The following LRRC20 variants were observed in gnomAD, a reference collection of about 807,000 sequenced individuals.
LRRC20 encodes the protein leucine-rich repeat-containing protein 20.
In LRRC20, 11 loss-of-function variants were observed where a neutral mutation model predicts 14.4. The observed-to-expected ratio is 0.77, with a 90% confidence interval of 0.48 to 1.27. LRRC20 has a LOEUF of 1.27. Among genes scored for constraint, LRRC20 ranks in the 50% most tolerant of loss-of-function variants. The probability of loss-of-function intolerance (pLI) is 0.00; values close to 1 mark genes in which losing one functional copy is unlikely to be tolerated. For synonymous variants in LRRC20, 121 were observed against 107.3 expected (o/e 1.13, Z -0.79); for missense variants, 219 against 251.2 (o/e 0.87, Z 0.87).
intron 2 of LRRC20, among the ~76,000 whole-genome samples, chr10:70,358,292 C>T (rs1843603617): frequency 6.6e-6 from 1 of 152,158 alleles, no homozygotes; most frequent in Non-Finnish European, 1.5e-5. Context: ...ACAACGCAAT[C>T]CACTTGGAGC....
At chr10:70,312,842 C>T (rs998335438) in intron 4 of LRRC20, among the ~76,000 whole-genome samples, 2 of 152,116 alleles carry the variant, frequency 1.3e-5, no homozygotes, top group African/African-American at 2.4e-5. Context: ...GGAAGTATGG[C>T]GGGCACCCCC....
chr10:70,378,764 C>A (rs1483142702), intron 1 of LRRC20, among the ~76,000 whole-genome samples: 1 of 113,488 alleles, frequency 8.8e-6, no homozygotes. Flanking sequence ...AAAGAGTGAA[C>A]CTCGCGCTCA....
chr10:70,372,505 A>G (rs1413847033), intron 2 of LRRC20, among the ~76,000 whole-genome samples: 9 of 145,666 alleles, frequency 6.2e-5, no homozygotes, highest in South Asian at 2.2e-4. Context: ...CCAGTGGCGC[A>G]ATCTCAGCTC....
At chr10:70,320,324 T>TAGATAGAC (rs1457723975) in intron 4 of LRRC20, among the ~76,000 whole-genome samples, 5 of 151,974 alleles carry the variant, frequency 3.3e-5, no homozygotes, top group Non-Finnish European at 7.4e-5. Flanking sequence ...GATAGATAGA[T>TAGATAGAC]AGATAGATAG....
intron 2 of LRRC20, among the ~76,000 whole-genome samples, chr10:70,361,385 A>G (rs1371236232): frequency 6.6e-6 from 1 of 152,218 alleles, no homozygotes; most frequent in African/African-American, 2.4e-5. Context: ...AGAAGGCAGT[A>G]TATGAGGGAA....
chr10:70,343,611 A>G (rs1842986986), intron 2 of LRRC20, among the ~76,000 whole-genome samples: 2 of 152,260 alleles, frequency 1.3e-5, no homozygotes, highest in African/African-American at 4.8e-5. Flanking sequence ...GCAAGGGCTG[A>G]GCTGGAAGCA....
Position 70,318,391 on chromosome 10 carries a change from A to G in LRRC20, c.400+5472T>C, listed in dbSNP as rs575431708. Among the ~76,000 whole-genome samples, 4 of 152,320 alleles carry G rather than the reference A, an allele frequency of 2.6e-5. No homozygotes were observed. The South Asian group carries it at 8.3e-4, about 32-fold the overall frequency. On this transcript the variant is annotated intron_variant, in intron 4 of 4. Transcript: ENST00000446961. Reference sequence around the variant, plus strand: ...ATATCGGCTGGGATAGTAAGGTGAAACAGGACAAGGGCAGAATTAAGTAAA... The same window carrying G: ...ATATCGGCTGGGATAGTAAGGTGAAGCAGGACAAGGGCAGAATTAAGTAAA...
At chr10:70,372,486 GGCTGGA>G (rs1209949767) in intron 2 of LRRC20, among the ~76,000 whole-genome samples, 1 of 139,736 alleles carries the variant, frequency 7.2e-6, no homozygotes, top group South Asian at 2.3e-4. Context: ...CTGTCACCCA[GGCTGGA>G]GTCCAGTGGC....
chr10:70,373,268 T>C (rs1844381706), intron 2 of LRRC20, among the ~76,000 whole-genome samples: 1 of 152,210 alleles, frequency 6.6e-6, no homozygotes, highest in African/African-American at 2.4e-5. Context: ...AAAGCCTTCC[T>C]GGTCTACTTC....
intron 1 of LRRC20, among the ~76,000 whole-genome samples, chr10:70,377,057 G>C (rs150537114): frequency 4.6e-5 from 7 of 152,304 alleles, no homozygotes; most frequent in Non-Finnish European, 8.8e-5. Flanking sequence ...CAGCTCCCCT[G>C]TTCACCCCAC....
intron 4 of LRRC20, among the ~76,000 whole-genome samples, chr10:70,311,880 G>A (rs1190187567): frequency 6.6e-6 from 1 of 152,224 alleles, no homozygotes; most frequent in Non-Finnish European, 1.5e-5. Context: ...AATAGTAGAA[G>A]CAGAGTGGGC....
At chr10:70,332,901 A>G (rs1842589694) in intron 3 of LRRC20, among the ~76,000 whole-genome samples, 2 of 152,188 alleles carry the variant, frequency 1.3e-5, no homozygotes, top group South Asian at 4.1e-4. Flanking sequence ...TATCCTTTCA[A>G]TCCTCAAAAT....
chr10:70,359,595 AGC>A (rs1272702662), intron 2 of LRRC20, among the ~76,000 whole-genome samples: 1 of 152,182 alleles, frequency 6.6e-6, no homozygotes, highest in African/African-American at 2.4e-5. Context: ...TCCAAAGCCT[AGC>A]ATCCACACAG....
intron 3 of LRRC20, among the ~76,000 whole-genome samples, chr10:70,329,088 A>T (rs1399080420): frequency 6.6e-6 from 1 of 152,230 alleles, no homozygotes; most frequent in Non-Finnish European, 1.5e-5. Flanking sequence ...ATGCCAACAC[A>T]GTCTCCACTT....
At chr10:70,344,673 C>A (rs1843016652) in intron 2 of LRRC20, among the ~76,000 whole-genome samples, 1 of 152,100 alleles carries the variant, frequency 6.6e-6, no homozygotes, top group Non-Finnish European at 1.5e-5. Context: ...CTTAAACGAT[C>A]CTCCCACCTC....
At chr10:70,306,825 C>A (rs1026841654) in intron 4 of LRRC20, among the ~76,000 whole-genome samples, 34 of 152,318 alleles carry the variant, frequency 2.2e-4, no homozygotes, top group Admixed American at 2.0e-3. Flanking sequence ...ATGATGGCTG[C>A]AAAATGATTT....
intron 4 of LRRC20, among the ~76,000 whole-genome samples, chr10:70,304,395 C>T (rs1173734002): frequency 6.7e-6 from 1 of 148,724 alleles, no homozygotes; most frequent in African/African-American, 2.5e-5. Context: ...AATTTTAGAA[C>T]ACACTAATGG....
At chr10:70,372,562 C>T (rs1844326319) in intron 2 of LRRC20, among the ~76,000 whole-genome samples, 1 of 151,828 alleles carries the variant, frequency 6.6e-6, no homozygotes, top group African/African-American at 2.4e-5. Context: ...CTGCCTCAGC[C>T]TCCCGAGTAG....
intron 2 of LRRC20, among the ~76,000 whole-genome samples, chr10:70,346,023 G>C (rs1228888797): frequency 6.6e-6 from 1 of 151,984 alleles, no homozygotes; most frequent in Non-Finnish European, 1.5e-5. Flanking sequence ...CATTTTGAGG[G>C]GCCGAGGCAG....
Sources: gnomAD v4.1 joint callset for allele counts (sites outside exome capture counted in the v4.1 genomes callset) on GRCh38, gnomAD v4.1.1 for gene constraint, MANE v1.5 for transcripts, NCBI Gene and HGNC (gene_info 2026-07-23, HGNC 2026-07-21) for gene names.